The following HSPG2 variants were observed in gnomAD, a reference collection of about 807,000 sequenced individuals.
The protein encoded by HSPG2 is heparan sulfate proteoglycan 2.
In HSPG2, 278 loss-of-function variants were observed where a neutral mutation model predicts 526.6. The observed-to-expected ratio is 0.53, with a 90% CI of 0.48 to 0.58. HSPG2 has a LOEUF of 0.58. Among genes scored for constraint, HSPG2 ranks in the 20% least tolerant of loss-of-function variants. The probability of loss-of-function intolerance (pLI) is 0.00; values close to 1 mark genes in which losing one functional copy is unlikely to be tolerated. For synonymous variants in HSPG2, 2,465 were observed against 2,555.4 expected, an observed-to-expected ratio of 0.96 and a Z score of 1.07; for missense variants, 5,354 against 6,099.5, an observed-to-expected ratio of 0.88 and a Z score of 4.07.
intron 33 of HSPG2, among the ~76,000 whole-genome samples, chr1:21,871,791 A>G (rs560315514): frequency 6.6e-6 from 1 of 152,386 alleles, no homozygotes; most frequent in East Asian, 1.9e-4. Context: ...GTCCAACACA[A>G]GCACAGAGCC....
chr1:21,895,938 G>C lies in HSPG2; in HGVS notation c.228C>G (p.Ser76Arg), dbSNP rs748426323. The change falls in exon 3 of 97, where the codon AGC (serine) becomes AGG (arginine). Residue 76 changes from serine to arginine, a missense_variant. Transcript: ENST00000374695. This position sits in a 1 kb window ranked among gnomAD's most constrained non-coding sequence, Gnocchi z 4.1. ...GDDLGSGDLG[S>R]GDFQMVYFRA... is the part of the protein sequence containing the mutation. ...GCAACTTACCCATCTGGAAGTCCCC[G>C]CTGCCCAGGTCCCCACTGCCCAGGT... The C allele has an allele frequency of 5.0e-6, 8 of 1,613,870 alleles. No homozygotes were observed. Among genetic ancestry groups the C allele is most frequent in the Non-Finnish European group, 6.8e-6 (8 of 1,179,928 alleles).
intron 28 of HSPG2, 120 bp from the exon 29 acceptor site, chr1:21,874,131 A>T: frequency 1.1e-6 from 1 of 891,070 alleles, no homozygotes; most frequent in Non-Finnish European, 1.8e-6. Flanking sequence ...ATGTGTCCTC[A>T]GTGCCACTGC....
chr1:21,834,077 A>T, intron 77 of HSPG2, 152 bp from the exon 78 acceptor site: 1 of 720,886 alleles, frequency 1.4e-6, no homozygotes, highest in South Asian at 1.5e-5. Flanking sequence ...TCAGAGGGGA[A>T]AAGCGGCTGT....
Position 21,875,905 on chromosome 1 carries a change from G to C in HSPG2, c.3141C>G (p.Pro1047=). The change falls in exon 24 of 97, where the codon CCC becomes CCG. Residue 1047 remains proline, a synonymous_variant. Transcript: ENST00000374695. ...IILEHHVAQE[P]SPGQPSTFIV... ...TGAAGGTGCTGGGCTGGCCGGGGCT[G>C]GGCTCCTGGGCCACATGGTGCTCTA... The C allele has an allele frequency of 6.2e-7, 1 of 1,614,148 alleles. No homozygotes were observed. Among genetic ancestry groups the C allele is most frequent in the South Asian group, 1.1e-5 (1 of 91,088 alleles).
intron 91 of HSPG2, among the ~76,000 whole-genome samples, chr1:21,826,714 G>C (rs139250923): frequency 0.05 from 7,655 of 152,000 alleles, 257 homozygotes; most frequent in South Asian, 0.097. Context: ...TCTCCATGTT[G>C]GTCAGGCTGG....
chr1:21,884,624 G>T lies in HSPG2; in HGVS notation c.1558C>A (p.Pro520Thr). 5 of 1,611,448 alleles carry T rather than the reference G, an allele frequency of 3.1e-6. No homozygotes were observed. The highest frequency in any genetic ancestry group is 4.2e-6 in the Non-Finnish European group (5 of 1,179,798). Residue 520 changes from proline to threonine, a missense_variant, in exon 13 of 97, where the codon CCC becomes ACC. By Grantham distance (38) the Pro-to-Thr change is conservative. Transcript: ENST00000374695. Reference sequence around the variant, plus strand: ...CTGGTGATGCCAAAGCAGAAGCAGGGCAGGCAGGCGGCGCTGTGCTCCAGG... The same window carrying T: ...CTGGTGATGCCAAAGCAGAAGCAGGTCAGGCAGGCGGCGCTGTGCTCCAGG... ...FYLEHSAACL[P>T]CFCFGITSVC...
In HSPG2 at chr1:21,862,048, G is replaced by A; in HGVS notation, c.4808C>T (p.Thr1603Ile). The A allele has an allele frequency of 1.9e-6, 3 of 1,614,150 alleles. No individual in the cohort carries two copies. The highest frequency in any genetic ancestry group is 2.5e-6 in the Non-Finnish European group (3 of 1,180,020). Reference protein sequence around the residue: ...LCAPGYYGDATAGTPEDCQPC... With the variant: ...LCAPGYYGDAIAGTPEDCQPC... ...CTGGCAGTCCTCAGGCGTCCCGGCT[G>A]TGGCATCTCCGTAGTAGCCAGGGGC... Residue 1603 changes from threonine (T) to isoleucine (I), a missense_variant, in exon 38 of 97, where the codon ACA (threonine) becomes ATA (isoleucine). By Grantham distance (89) the Thr-to-Ile change is moderately conservative. Coordinates refer to ENST00000374695, the MANE Select transcript of HSPG2 (RefSeq NM_005529.7).
intron 1 of HSPG2, among the ~76,000 whole-genome samples, chr1:21,911,018 A>G (rs1318145815): frequency 6.6e-6 from 1 of 152,210 alleles, no homozygotes; most frequent in Non-Finnish European, 1.5e-5. Flanking sequence ...TGCACATTGA[A>G]GAAAGGCAGT....
chr1:21,911,855 C>G (rs1245188703), intron 1 of HSPG2, among the ~76,000 whole-genome samples: 1 of 152,212 alleles, frequency 6.6e-6, no homozygotes, highest in Non-Finnish European at 1.5e-5. Context: ...CCAAGCCTTT[C>G]CAGCCCGCTC....
In HSPG2 at chr1:21,823,185, C is replaced by G. The variant is rs963516444; in HGVS notation, c.*131G>C. On this transcript the variant is annotated 3_prime_UTR_variant, in exon 97 of 97. Transcript: ENST00000374695. ...GTGGCATGCCCACCTCCAGTCCAGC[C>G]CAGGGCGGTAGCAGCAAAGCGTGGC... The G allele has an allele frequency of 1.1e-6, 1 of 924,340 alleles. No homozygotes were observed. The highest frequency in any genetic ancestry group is 1.7e-5 in the African/African-American group (1 of 59,474). The allele number at this position is 924,340 out of a possible 1,614,324, so 57.3% of individuals were successfully genotyped here. A position where few individuals can be genotyped will look rare whatever the true frequency, so the allele number is the denominator to read the frequency against.
chr1:21,860,531 A>T (rs1394610183), intron 39 of HSPG2, among the ~76,000 whole-genome samples: 1 of 151,970 alleles, frequency 6.6e-6, no homozygotes, highest in Non-Finnish European at 1.5e-5. Context: ...TCGCTCTGTC[A>T]CCCAGGCTCG....
rs12741617 is a variant in HSPG2, at chr1:21,848,418, G to A, written c.7737+225C>T. Among the ~76,000 whole-genome samples the A allele has an allele frequency of 0.041, 6,168 of 152,262 alleles. 178 individuals carry two copies. Among genetic ancestry groups the A allele is most frequent in the South Asian group, 0.11 (513 of 4,828 alleles). ...TCTTCAGTGTCAGGCACAGGACATGGCCCGGAGCAGCTTTTCAGTGAGATT... is the reference window on the plus strand; with the variant it reads ...TCTTCAGTGTCAGGCACAGGACATGACCCGGAGCAGCTTTTCAGTGAGATT... On this transcript the variant is annotated intron_variant, in intron 59 of 96. Coordinates refer to ENST00000374695, the MANE Select transcript of HSPG2 (RefSeq NM_005529.7). This position sits in a 1 kb window ranked among gnomAD's most constrained non-coding sequence, Gnocchi z 4.9.
intron 1 of HSPG2, 98 bp downstream of exon 1, chr1:21,937,057 T>C (rs1242951299): frequency 7.7e-6 from 3 of 391,918 alleles, no homozygotes; most frequent in Non-Finnish European, 1.1e-5. Context: ...CGCGCAGCCT[T>C]GGGCGCCCCA....
chr1:21,839,748 A>G lies in HSPG2; in HGVS notation c.9709+74T>C. 1.3e-6 allele frequency: 2 copies of G among 1,523,736 alleles called. No individual in the cohort carries two copies. The highest frequency in any genetic ancestry group is 1.8e-6 in the Non-Finnish European group (2 of 1,109,392). 94.4% of individuals were successfully genotyped at this position (1,523,736 alleles called of 1,614,324 possible). ...CCCCTGGGCATGACATCATCTCTAG[A>G]TCACATGTGTCTACATTTCAGACCC... On this transcript the variant is annotated intron_variant, in intron 72 of 96. Transcript: ENST00000374695. This position sits in a 1 kb window ranked among gnomAD's most constrained non-coding sequence, Gnocchi z 4.5.
In HSPG2 at chr1:21,842,352, A is replaced by T. The variant is rs2229489; in HGVS notation, c.8939T>A (p.Leu2980His). ...CTCGCCTGAGTCGGCAGGGGAGACG[A>T]GGTGGAGCCGCAGCTGGGAGCCATG... ...QTHGSQLRLH[L>H]VSPADSGEYV... The change falls in exon 68 of 97, where the codon CTC (leucine) becomes CAC (histidine). Residue 2980 changes from leucine to histidine, a missense_variant. Coordinates refer to ENST00000374695, the MANE Select transcript of HSPG2 (RefSeq NM_005529.7). 90,903 of 1,609,560 alleles carry T rather than the reference A, an allele frequency of 0.056. 3,065 individuals carry two copies. Among genetic ancestry groups the T allele is most frequent in the South Asian group, 0.11 (9,834 of 90,762 alleles).
At position 21,847,022 on chromosome 1, in the gene HSPG2, T is replaced by TAGTTATTATTATATATAATATAATATA. The variant is rs1006285549; in HGVS notation, c.8164+331_8164+332insTATATTATATTATATATAATAATAACT. On this transcript the variant is annotated intron_variant, in intron 62 of 96. Coordinates refer to ENST00000374695, the MANE Select transcript of HSPG2 (RefSeq NM_005529.7). This position sits in a 1 kb window ranked among gnomAD's most constrained non-coding sequence, Gnocchi z 4.1. The stretch of plus-strand genomic sequence containing the variant: ...CTCAAAAAAAAAAAAATGATAATAA[T>TAGTTATTATTATATATAATATAATATA]AGTTAACACTTATAAAGCACTTCTG... 6.6e-6 allele frequency among the ~76,000 whole-genome samples: 1 copy of TAGTTATTATTATATATAATATAATATA among 151,992 alleles called. No individual in the cohort carries two copies. The highest frequency in any genetic ancestry group is 1.5e-5 in the Non-Finnish European group (1 of 68,014).
rs745778782 is a variant in HSPG2 at position 21,887,442 on chromosome 1, G to A, written c.936C>T (p.Asp312=). ...CACCACAGTCTAGCTCATCGCTGCC[G>A]TCCTCGCAGTCCTCCTGTCCGTCGC... ...YLCDGQEDCE[D]GSDELDCGPP... The change falls in exon 8 of 97, where the codon GAC becomes GAT. Residue 312 remains aspartate, a synonymous_variant. Transcript: ENST00000374695. The surrounding 1 kb of genome is among the most constrained non-coding windows in gnomAD (Gnocchi z 5.0). The A allele has an allele frequency of 3.5e-5, 56 of 1,613,938 alleles. No individual in the cohort carries two copies. The highest frequency in any genetic ancestry group is 6.7e-5 in the East Asian group (3 of 44,886).
Position 21,872,826 on chromosome 1 carries a change from G to A in HSPG2, c.3889-66C>T, listed in dbSNP as rs922232117. 1.3e-6 allele frequency: 2 copies of A among 1,581,374 alleles called. No individual in the cohort carries two copies. The highest frequency in any genetic ancestry group is 1.7e-6 in the Non-Finnish European group (2 of 1,162,292). On this transcript the variant is annotated intron_variant, in intron 31 of 96. Coordinates refer to ENST00000374695, the MANE Select transcript of HSPG2 (RefSeq NM_005529.7). The surrounding 1 kb of genome is among the most constrained non-coding windows in gnomAD (Gnocchi z 5.5). ...GGGTCTCCTGCACCCCCAGCAGCCT[G>A]AGGCCAGCCTCCCTGGCCACTTCCA...
Position 21,829,652 on chromosome 1 carries a change from G to A in HSPG2, c.11771-48C>T, listed in dbSNP as rs76739288. On this transcript the variant is annotated intron_variant, in intron 86 of 96. Transcript: ENST00000374695. The stretch of plus-strand genomic sequence containing the variant: ...GAGGCAGTGGGGATCCTGGACCCTC[G>A]GGTGGGGTCCAGCTACTCTGCCTTC... 371 of 1,496,360 alleles carry A rather than the reference G, an allele frequency of 2.5e-4. 1 individual carries two copies. In the African/African-American group the frequency reaches 4.6e-3, roughly 18 times the overall value. The allele number at this position is 1,496,360 out of a possible 1,614,324, so 92.7% of individuals were successfully genotyped here.
Sources: gnomAD v4.1 joint callset for allele counts (sites outside exome capture counted in the v4.1 genomes callset) on GRCh38, gnomAD v4.1.1 for gene constraint, Gnocchi (gnomAD v3.1) non-coding constraint, MANE v1.5 for transcripts, NCBI Gene and HGNC (gene_info 2026-07-23, HGNC 2026-07-21) for gene names.